Variants in XRN2 observed in about 807,000 individuals in gnomAD.
XRN2 encodes the protein 5'-3' exoribonuclease 2.
XRN2 carries 44 observed loss-of-function variants against 138.5 expected under a neutral mutation model. The ratio of observed to expected loss-of-function variants is 0.32; its 90% CI spans 0.25 to 0.41. The LOEUF (loss-of-function observed/expected upper bound fraction) is 0.41. Among genes scored for constraint, XRN2 ranks in the 10% least tolerant of loss-of-function variants. XRN2 has a pLI of 1.00. For missense variants in XRN2, 937 were observed against 1,169.3 expected (o/e 0.80, Z 2.90); for synonymous variants, 354 against 369.4 (o/e 0.96, Z 0.48).
chr20:21,353,188 A>T (rs2038531471), intron 20 of XRN2, among the ~76,000 whole-genome samples: 1 of 143,900 alleles, frequency 6.9e-6, no homozygotes. Context: ...TATATATTTT[A>T]TATATATATA....
At chr20:21,350,050 T>C (rs1419544338) in intron 20 of XRN2, among the ~76,000 whole-genome samples, 2 of 152,194 alleles carry the variant, frequency 1.3e-5, no homozygotes, top group Admixed American at 1.3e-4. Context: ...CATGGAAACT[T>C]TTGAAAAATA....
intron 27 of XRN2, among the ~76,000 whole-genome samples, chr20:21,372,755 T>G (rs1480294542): frequency 6.6e-6 from 1 of 152,194 alleles, no homozygotes; most frequent in Non-Finnish European, 1.5e-5. Context: ...TATTCACCAT[T>G]CAGATTCAGT....
At chr20:21,314,847 C>A (rs1157413433) in intron 1 of XRN2, among the ~76,000 whole-genome samples, 1 of 152,230 alleles carries the variant, frequency 6.6e-6, no homozygotes, top group East Asian at 1.9e-4. Context: ...ACAAGGACAT[C>A]CATGTACAAT....
At chr20:21,347,406 T>G (rs984612894) in intron 17 of XRN2, among the ~76,000 whole-genome samples, 5 of 152,160 alleles carry the variant, frequency 3.3e-5, no homozygotes, top group African/African-American at 9.7e-5. Context: ...TAATATCTGG[T>G]TTCGTGCTTA....
chr20:21,350,401 C>T (rs1187074764), intron 20 of XRN2, among the ~76,000 whole-genome samples: 1 of 151,606 alleles, frequency 6.6e-6, no homozygotes, highest in East Asian at 1.9e-4. Flanking sequence ...TGGCGGGCGC[C>T]TGTAGTCCCA....
intron 1 of XRN2, among the ~76,000 whole-genome samples, chr20:21,309,530 A>G (rs2037850265): frequency 6.6e-6 from 1 of 152,046 alleles, no homozygotes; most frequent in Non-Finnish European, 1.5e-5. Flanking sequence ...ACATCATGAG[A>G]TTTATGCACA....
intron 1 of XRN2, among the ~76,000 whole-genome samples, chr20:21,320,203 T>G (rs924980942): frequency 3.1e-4 from 47 of 152,144 alleles, no homozygotes; most frequent in Admixed American, 2.9e-3. Context: ...GTTCTTTTGT[T>G]GTTGTTTGTT....
intron 1 of XRN2, among the ~76,000 whole-genome samples, chr20:21,312,836 A>C (rs535746889): frequency 2.0e-5 from 3 of 152,006 alleles, no homozygotes; most frequent in East Asian, 2.0e-4. Flanking sequence ...TCCTGACCTC[A>C]GGCGATCCGC....
chr20:21,329,661 G>A (rs1469960660), intron 4 of XRN2, among the ~76,000 whole-genome samples: 1 of 151,940 alleles, frequency 6.6e-6, no homozygotes, highest in East Asian at 1.9e-4. Context: ...TTTTTTTGAA[G>A]ATGTGATGAA....
intron 4 of XRN2, among the ~76,000 whole-genome samples, chr20:21,330,047 C>A (rs2038184295): frequency 6.6e-6 from 1 of 152,112 alleles, no homozygotes; most frequent in Non-Finnish European, 1.5e-5. Flanking sequence ...TTTTGGGAGG[C>A]CGAGGACGGC....
chr20:21,360,563 C>A (rs1314647793), intron 24 of XRN2, among the ~76,000 whole-genome samples: 1 of 151,630 alleles, frequency 6.6e-6, no homozygotes, highest in Non-Finnish European at 1.5e-5. Flanking sequence ...CTTTGAAGAG[C>A]GTAAACTTTT....
At chr20:21,376,518 CTGTT>C (rs1179458680) in intron 27 of XRN2, among the ~76,000 whole-genome samples, 5 of 152,102 alleles carry the variant, frequency 3.3e-5, no homozygotes, top group Admixed American at 6.5e-5. Flanking sequence ...GGGCACTAGT[CTGTT>C]TGTTTATAAG....
chr20:21,384,700 C>CT (rs1054420643), intron 28 of XRN2, among the ~76,000 whole-genome samples: 19 of 152,180 alleles, frequency 1.2e-4, no homozygotes, highest in African/African-American at 4.6e-4. Flanking sequence ...CCCATGTTGC[C>CT]TAGGCTGGTC....
intron 1 of XRN2, among the ~76,000 whole-genome samples, chr20:21,313,245 A>G (rs912427335): frequency 3.3e-5 from 5 of 152,192 alleles, no homozygotes; most frequent in Non-Finnish European, 7.3e-5. Flanking sequence ...TTAACACACT[A>G]CGCTACACTG....
chr20:21,378,316 T>G (rs142164105), intron 27 of XRN2, among the ~76,000 whole-genome samples: 1 of 152,194 alleles, frequency 6.6e-6, no homozygotes, highest in Non-Finnish European at 1.5e-5. Context: ...GCCTCCTGAT[T>G]AAGCAGCACA....
intron 1 of XRN2, among the ~76,000 whole-genome samples, chr20:21,311,775 G>T (rs1014043393): frequency 1.1e-4 from 17 of 152,224 alleles, no homozygotes; most frequent in South Asian, 1.0e-3. Context: ...ATCATTTGAG[G>T]CCAGGAGTTC....
chr20:21,306,134 GT>G lies in XRN2; in HGVS notation c.75+2671del, dbSNP rs1474114399. On this transcript the variant is annotated intron_variant, in intron 1 of 29. Coordinates refer to ENST00000377191, the MANE Select transcript of XRN2 (RefSeq NM_012255.5). ...ATTAGCTAGGCATGGAATTCGAGGTGTTTTTTTTTTCTTCTTCTTTGAGACG... is the reference window on the plus strand; with the variant it reads ...ATTAGCTAGGCATGGAATTCGAGGTGTTTTTTTTTCTTCTTCTTTGAGACG... Among the ~76,000 whole-genome samples the G allele has an allele frequency of 6.0e-5, 4 of 66,942 alleles. 1 individual carries two copies. In the South Asian group the frequency reaches 3.0e-3, roughly 50 times the overall value. 43.9% of individuals were successfully genotyped at this position (66,942 alleles called of 152,430 possible).
In XRN2 at chr20:21,334,078, G is replaced by T. The variant is rs2038253525; in HGVS notation, c.1126G>T (p.Gly376Cys). The T allele has an allele frequency of 6.2e-7, 1 of 1,613,852 alleles. No individual in the cohort carries two copies. The highest frequency in any genetic ancestry group is 8.5e-7 in the Non-Finnish European group (1 of 1,179,924). ...TTTACATATATTTTATCACTTACAGGGTTACCTTACAGAAAGTGGTTATGT... is the reference window on the plus strand; with the variant it reads ...TTTACATATATTTTATCACTTACAGTGTTACCTTACAGAAAGTGGTTATGT... ...IYKNVVHKTG[G>C]YLTESGYVNL... The change falls in exon 13 of 30, where the codon GGT becomes TGT. Residue 376 changes from glycine to cysteine, a missense_variant and splice_region_variant. Transcript: ENST00000377191.
rs111929534 is a variant in XRN2 at position 21,371,372 on chromosome 20, G to A, written c.2584+2782G>A. 7.6e-4 allele frequency among the ~76,000 whole-genome samples: 116 copies of A among 152,306 alleles called. 2 individuals are homozygous for A. The highest frequency in any genetic ancestry group is 2.6e-3 in the African/African-American group (109 of 41,562). ...TTGCTGTATAGCTTAATGACATTGA[G>A]TGGAGCTTTGTGAGGCTCTATCATG... On this transcript the variant is annotated intron_variant, in intron 27 of 29. Transcript: ENST00000377191.
Sources: gnomAD v4.1 joint callset for allele counts (sites outside exome capture counted in the v4.1 genomes callset) on GRCh38, gnomAD v4.1.1 for gene constraint, MANE v1.5 for transcripts, NCBI Gene and HGNC (gene_info 2026-07-23, HGNC 2026-07-21) for gene names.